NEK7: variants seen among roughly 807,000 people sequenced by gnomAD.
NEK7 encodes the protein NIMA related kinase 7, also known as serine/threonine-protein kinase Nek7.
In NEK7, 18 loss-of-function variants were observed where a neutral mutation model predicts 44.6. That is an observed-to-expected ratio of 0.40 (90% CI 0.28 to 0.60). NEK7 has a LOEUF of 0.60. Ranked by LOEUF, NEK7 falls within the 20% of genes least tolerant of loss-of-function variation. NEK7 has a pLI of 0.38. For missense variants in NEK7, 256 were observed against 366.5 expected (o/e 0.70, Z 2.46); for synonymous variants, 130 against 121.1 (o/e 1.07, Z -0.48).
At chr1:198,240,042 C>T (rs529072793) in intron 2 of NEK7, among the ~76,000 whole-genome samples, 1 of 152,284 alleles carries the variant, frequency 6.6e-6, no homozygotes, top group East Asian at 1.9e-4. Flanking sequence ...AATCTTATGG[C>T]CAGACATTCC....
chr1:198,200,897 T>G (rs956093454), intron 1 of NEK7, among the ~76,000 whole-genome samples: 19 of 152,170 alleles, frequency 1.2e-4, no homozygotes, highest in Admixed American at 1.2e-3. Flanking sequence ...GCACTGAGTC[T>G]GCCAGAAATC....
chr1:198,295,426 A>G (rs1272655203), intron 8 of NEK7, among the ~76,000 whole-genome samples: 1 of 152,134 alleles, frequency 6.6e-6, no homozygotes, highest in African/African-American at 2.4e-5. Context: ...TGGAGGATCA[A>G]ATTAGCCTGA....
At chr1:198,163,611 G>A (rs1317821874) in intron 1 of NEK7, among the ~76,000 whole-genome samples, 4 of 152,090 alleles carry the variant, frequency 2.6e-5, no homozygotes, top group Non-Finnish European at 5.9e-5. Context: ...TTATTTCTAG[G>A]TGTGGTTTGT....
intron 9 of NEK7, among the ~76,000 whole-genome samples, chr1:198,317,883 T>TTA (rs1558109562): frequency 9.3e-5 from 4 of 42,810 alleles, no homozygotes; most frequent in Non-Finnish European, 7.0e-5. Flanking sequence ...ATTTATTTTT[T>TTA]TTTTTTTTTT....
At chr1:198,291,677 A>G (rs1192220953) in intron 7 of NEK7, among the ~76,000 whole-genome samples, 1 of 151,852 alleles carries the variant, frequency 6.6e-6, no homozygotes, top group African/African-American at 2.4e-5. Context: ...TTTCATAAAT[A>G]CTTTTCTTTC....
chr1:198,292,893 T>C, intron 7 of NEK7, 52 bp from the exon 8 acceptor site: 2 of 948,126 alleles, frequency 2.1e-6, no homozygotes, highest in Middle Eastern at 2.2e-4. Flanking sequence ...TGACCACAGC[T>C]GTATCTTTAT....
chr1:198,309,277 G>T (rs1655104125), intron 9 of NEK7, among the ~76,000 whole-genome samples: 1 of 151,960 alleles, frequency 6.6e-6, no homozygotes, highest in Non-Finnish European at 1.5e-5. Flanking sequence ...GGGGCATGAA[G>T]CAGTTTGGCA....
At chr1:198,287,477 G>A (rs1392305546) in intron 7 of NEK7, among the ~76,000 whole-genome samples, 1 of 152,098 alleles carries the variant, frequency 6.6e-6, no homozygotes, top group Admixed American at 6.6e-5. Context: ...TACATTTACT[G>A]AAAATAAATA....
At chr1:198,277,798 C>G in intron 5 of NEK7, 163 bp from the exon 6 acceptor site, 1 of 558,880 alleles carries the variant, frequency 1.8e-6, no homozygotes, top group Non-Finnish European at 3.2e-6. Flanking sequence ...GCCATTATGT[C>G]AGATAAAATT....
chr1:198,268,362 C>CGTT (rs56255120), intron 5 of NEK7, among the ~76,000 whole-genome samples: 50,301 of 151,426 alleles, frequency 0.33, 9,502 homozygotes, highest in East Asian at 0.8. Flanking sequence ...CAGTTTATCT[C>CGTT]GTGCACTCTG....
At chr1:198,308,271 C>T (rs1434469248) in intron 9 of NEK7, among the ~76,000 whole-genome samples, 3 of 152,082 alleles carry the variant, frequency 2.0e-5, no homozygotes. Flanking sequence ...TCTCCTTTAT[C>T]TTCATAATCT....
At chr1:198,202,824 G>A (rs1306768819) in intron 1 of NEK7, among the ~76,000 whole-genome samples, 1 of 152,098 alleles carries the variant, frequency 6.6e-6, no homozygotes, top group African/African-American at 2.4e-5. Context: ...CACCACATGG[G>A]AATTATGGGA....
Position 198,227,495 on chromosome 1 carries a change from A to G in NEK7, c.-28-5058A>G, listed in dbSNP as rs575552033. 5.1e-3 allele frequency among the ~76,000 whole-genome samples: 772 copies of G among 152,272 alleles called. 10 individuals carry two copies. Among genetic ancestry groups the G allele is most frequent in the African/African-American group, 0.018 (740 of 41,542 alleles). ...TTTACAGTCCCACCAACAGTGTAAA[A>G]GTGTTCCTATTTCTCCACATCCTCT... On this transcript the variant is annotated intron_variant, in intron 1 of 9. Transcript: ENST00000367385.
At chr1:198,163,312 G>A (rs111746031) in intron 1 of NEK7, among the ~76,000 whole-genome samples, 60 of 152,146 alleles carry the variant, frequency 3.9e-4, no homozygotes, top group African/African-American at 1.4e-3. Flanking sequence ...GATCAATATA[G>A]TGAGACCCTG....
At chr1:198,314,692 G>C (rs1011923361) in intron 9 of NEK7, among the ~76,000 whole-genome samples, 8 of 152,122 alleles carry the variant, frequency 5.3e-5, no homozygotes, top group Non-Finnish European at 1.5e-5. Flanking sequence ...GTACCCGGCC[G>C]TGTGAGGTGT....
chr1:198,295,688 T>C lies in NEK7; in HGVS notation c.685-1439T>C, dbSNP rs151094254. On this transcript the variant is annotated intron_variant, in intron 8 of 9. Transcript: ENST00000367385. ...ACTATAATGAACGCCTAGAATATGA[T>C]AATGAATATATGTACATTTACTTAA... is the stretch of plus-strand genomic sequence containing the variant. Among the ~76,000 whole-genome samples, 31 of 151,794 alleles carry C rather than the reference T, an allele frequency of 2.0e-4. No homozygotes were observed. The East Asian group carries it at 5.6e-3, about 27-fold the overall frequency.
intron 1 of NEK7, among the ~76,000 whole-genome samples, chr1:198,161,788 A>T (rs931746400): frequency 6.6e-6 from 1 of 152,134 alleles, no homozygotes; most frequent in Non-Finnish European, 1.5e-5. Context: ...CTAAAGCGAC[A>T]TAGAATCTAA....
rs377393290 is a variant in NEK7 at position 198,164,546 on chromosome 1, T to C, written c.-29+7270T>C. Among the ~76,000 whole-genome samples the C allele has an allele frequency of 1.2e-4, 19 of 152,312 alleles. 1 individual carries two copies. In the East Asian group the frequency reaches 2.3e-3, roughly 19 times the overall value. ...ATGAATCTTTTGGTTTCCAAGTGCATATGGGAGTTAGAGTTACACTATACT... is the reference window on the plus strand; with the variant it reads ...ATGAATCTTTTGGTTTCCAAGTGCACATGGGAGTTAGAGTTACACTATACT... On this transcript the variant is annotated intron_variant, in intron 1 of 9. Coordinates refer to ENST00000367385, the MANE Select transcript of NEK7 (RefSeq NM_133494.3).
intron 1 of NEK7, among the ~76,000 whole-genome samples, chr1:198,210,816 A>T (rs1178509255): frequency 3.7e-4 from 46 of 124,534 alleles, no homozygotes; most frequent in Admixed American, 8.5e-4. Flanking sequence ...GCAGTGGCGC[A>T]ATCTTGGCTC....
Sources: gnomAD v4.1 joint callset for allele counts (sites outside exome capture counted in the v4.1 genomes callset) on GRCh38, gnomAD v4.1.1 for gene constraint, MANE v1.5 for transcripts, NCBI Gene and HGNC (gene_info 2026-07-23, HGNC 2026-07-21) for gene names.